Variants in ARHGAP29 observed in about 807,000 individuals in gnomAD.
ARHGAP29 encodes rho GTPase-activating protein 29.
A neutral mutation model predicts 122.6 loss-of-function variants in ARHGAP29; 43 were observed. That is an observed-to-expected ratio of 0.35 (90% confidence interval 0.27 to 0.45). The LOEUF is 0.45. ARHGAP29 is among the 20% of genes least tolerant of loss of function. ARHGAP29 has a pLI of 1.00. For synonymous variants in ARHGAP29, 506 were observed against 497.1 expected, an observed-to-expected ratio of 1.02 and a Z score of -0.24; for missense variants, 1,303 against 1,477.2, an observed-to-expected ratio of 0.88 and a Z score of 1.93.
chr1:94,258,304 A>C (rs1305605445), intron 1 of ARHGAP29, among the ~76,000 whole-genome samples: 2 of 152,256 alleles, frequency 1.3e-5, no homozygotes, highest in Admixed American at 6.5e-5. Flanking sequence ...ACTTATGCTC[A>C]GTATTACCTG....
Position 94,177,922 on chromosome 1 carries a change from T to A in ARHGAP29, c.2726A>T (p.Lys909Met). The A allele has an allele frequency of 6.2e-7, 1 of 1,614,144 alleles. No individual in the cohort carries two copies. The highest frequency in any genetic ancestry group is 8.5e-7 in the Non-Finnish European group (1 of 1,180,020). Residue 909 changes from lysine to methionine, a missense_variant, in exon 21 of 23, where the codon AAG becomes ATG. Physicochemically the swap from Lys to Met is moderately conservative, Grantham distance 95. Coordinates refer to ENST00000260526, the MANE Select transcript of ARHGAP29 (RefSeq NM_004815.4). ...IGVVDQGCFP[K>M]PLLSPEERDI... The stretch of plus-strand genomic sequence containing the variant: ...TCTTTCTTCTGGTGATAACAGAGGC[T>A]TTGGAAAACAGCCTTGATCAACAAC...
In ARHGAP29 at chr1:94,179,719, T is replaced by G. The variant is rs1159612433; in HGVS notation, c.2480+6A>C. On this transcript the variant is annotated splice_donor_region_variant and intron_variant, in intron 20 of 22. Transcript: ENST00000260526. Reference sequence around the variant, plus strand: ...AATAAATGTTCTAGTTATATAAAATTCTTACCGCTTTAGATGTACTATAAG... The same window carrying G: ...AATAAATGTTCTAGTTATATAAAATGCTTACCGCTTTAGATGTACTATAAG... 1 of 1,570,018 alleles carries G rather than the reference T, an allele frequency of 6.4e-7. No homozygotes were observed. The highest frequency in any genetic ancestry group is 1.8e-5 in the Admixed American group (1 of 55,992).
chr1:94,227,923 T>C (rs1367727089), intron 2 of ARHGAP29, among the ~76,000 whole-genome samples: 1 of 151,780 alleles, frequency 6.6e-6, no homozygotes, highest in Non-Finnish European at 1.5e-5. Flanking sequence ...TTACTCCTAA[T>C]GTACCTTAAT....
At chr1:94,219,676 C>T (rs1652169562) in intron 3 of ARHGAP29, among the ~76,000 whole-genome samples, 1 of 152,156 alleles carries the variant, frequency 6.6e-6, no homozygotes, top group Non-Finnish European at 1.5e-5. Flanking sequence ...TTATATACTG[C>T]AACCCAGAAT....
intron 1 of ARHGAP29, among the ~76,000 whole-genome samples, chr1:94,266,407 G>A (rs1272452482): frequency 6.6e-6 from 1 of 152,180 alleles, no homozygotes; most frequent in Non-Finnish European, 1.5e-5. Context: ...ATGTTGGGGA[G>A]TTATCGGAGC....
At chr1:94,202,030 T>C (rs1353563828) in intron 11 of ARHGAP29, 173 bp from the exon 12 acceptor site, 5 of 600,464 alleles carry the variant, frequency 8.3e-6, no homozygotes, top group Middle Eastern at 4.6e-4. Context: ...TTGATTTTAA[T>C]GGACAGCCAT....
chr1:94,202,076 T>C (rs1650884339), intron 11 of ARHGAP29: 2 of 457,282 alleles, frequency 4.4e-6, no homozygotes, highest in Non-Finnish European at 3.8e-6. Context: ...CTATAAAATA[T>C]TTGCTTCTAT....
chr1:94,266,543 A>T (rs1654776999), intron 1 of ARHGAP29, among the ~76,000 whole-genome samples: 1 of 152,222 alleles, frequency 6.6e-6, no homozygotes. Context: ...CCCCTTCATG[A>T]ACTGAGCCCC....
intron 1 of ARHGAP29, 144 bp from the exon 2 acceptor site, chr1:94,231,787 T>G (rs909378904): frequency 4.8e-6 from 3 of 621,352 alleles, no homozygotes; most frequent in African/African-American, 1.8e-5. Context: ...TTTTTAAAAA[T>G]CAAAAATCAA....
chr1:94,275,553 TG>T (rs1655150754), upstream of ARHGAP29, among the ~76,000 whole-genome samples: 2 of 152,298 alleles, frequency 1.3e-5, no homozygotes, highest in South Asian at 2.1e-4. Context: ...GAGCAGTAGC[TG>T]TGTATAAATT....
chr1:94,292,768 T>A, the ARHGAP29 span, among the ~76,000 whole-genome samples: 11 of 152,340 alleles, frequency 7.2e-5, no homozygotes, highest in Non-Finnish European at 1.3e-4. Context: ...CGTGTTTGCC[T>A]GGGTATCACC....
intron 16 of ARHGAP29, among the ~76,000 whole-genome samples, chr1:94,185,684 T>G (rs1649754092): frequency 6.6e-6 from 1 of 152,152 alleles, no homozygotes; most frequent in Non-Finnish European, 1.5e-5. Context: ...ATGAAACATT[T>G]TAGCTATGAG....
intron 2 of ARHGAP29, among the ~76,000 whole-genome samples, chr1:94,221,321 TA>T (rs1557871739): frequency 3.3e-5 from 5 of 152,112 alleles, no homozygotes; most frequent in African/African-American, 1.2e-4. Context: ...ACAGTACTCT[TA>T]TATAATCTTC....
rs1467829956 is a variant in ARHGAP29 at position 94,231,560 on chromosome 1, C to T, written c.52G>A (p.Gly18Ser). ...KTKKKRAWASGQLSTDITTSE... is the reference protein window; with the variant it reads ...KTKKKRAWASSQLSTDITTSE... ...GTTGTAATATCAGTAGAGAGTTGAC[C>T]TGATGCCCAAGCACGTTTTTTCTTT... is the stretch of plus-strand genomic sequence containing the variant. The change falls in exon 2 of 23, where the codon GGT (glycine) becomes AGT (serine). Residue 18 changes from glycine to serine, a missense_variant. Coordinates refer to ENST00000260526, the MANE Select transcript of ARHGAP29 (RefSeq NM_004815.4). 2 of 1,613,604 alleles carry T rather than the reference C, an allele frequency of 1.2e-6. No individual in the cohort carries two copies. Among genetic ancestry groups the T allele is most frequent in the Admixed American group, 1.7e-5 (1 of 59,996 alleles).
the ARHGAP29 span, among the ~76,000 whole-genome samples, chr1:94,290,450 C>A: frequency 6.6e-6 from 1 of 152,014 alleles, no homozygotes; most frequent in South Asian, 2.1e-4. Flanking sequence ...TTTGTTATTT[C>A]TTGTCTTCTG....
intron 20 of ARHGAP29, among the ~76,000 whole-genome samples, chr1:94,178,776 A>G (rs1417667931): frequency 6.6e-6 from 1 of 152,210 alleles, no homozygotes; most frequent in Non-Finnish European, 1.5e-5. Context: ...CAGCGCATGC[A>G]AGACTGCCAG....
chr1:94,200,840 G>C (rs1469074392), intron 12 of ARHGAP29, among the ~76,000 whole-genome samples: 1 of 152,160 alleles, frequency 6.6e-6, no homozygotes, highest in Non-Finnish European at 1.5e-5. Flanking sequence ...AAACTCATAA[G>C]GCAGAGAACA....
At chr1:94,234,921 A>G (rs1474633707) in intron 1 of ARHGAP29, among the ~76,000 whole-genome samples, 2 of 152,204 alleles carry the variant, frequency 1.3e-5, no homozygotes, top group Non-Finnish European at 2.9e-5. Context: ...CAATTTACCT[A>G]TTTTAGCAGA....
chr1:94,309,385 T>C, the ARHGAP29 span, among the ~76,000 whole-genome samples: 1 of 152,208 alleles, frequency 6.6e-6, no homozygotes, highest in Non-Finnish European at 1.5e-5. Context: ...AGCTGCCTCC[T>C]ATCAAAATAT....
Sources: allele counts gnomAD v4.1 joint callset (sites outside exome capture counted in the v4.1 genomes callset), GRCh38; gene constraint gnomAD v4.1.1; transcripts MANE v1.5; gene names NCBI Gene and HGNC (gene_info 2026-07-23, HGNC 2026-07-21).